Variants in FBXO16 observed in about 807,000 individuals in gnomAD.
FBXO16 encodes the protein F-box only protein 16.
In FBXO16, 31 loss-of-function variants were observed where a neutral mutation model predicts 41.0. The ratio of observed to expected loss-of-function variants is 0.76; its 90% confidence interval spans 0.57 to 1.02. The LOEUF (loss-of-function observed/expected upper bound fraction) is 1.02. FBXO16 is among the 50% of genes least tolerant of loss of function. FBXO16 has a pLI of 0.00. For synonymous variants in FBXO16, 133 were observed against 117.8 expected (o/e 1.13, Z -0.84); for missense variants, 361 against 346.2 (o/e 1.04, Z -0.34).
At chr8:28,478,688 T>C (rs1803460446) in intron 2 of FBXO16, among the ~76,000 whole-genome samples, 1 of 151,724 alleles carries the variant, frequency 6.6e-6, no homozygotes, top group African/African-American at 2.4e-5. Flanking sequence ...CCAGGTGTGG[T>C]GGTGGGTGCC....
intron 6 of FBXO16, among the ~76,000 whole-genome samples, chr8:28,451,908 C>T (rs538730111): frequency 4.0e-5 from 6 of 150,172 alleles, no homozygotes; most frequent in East Asian, 2.0e-4. Flanking sequence ...CGCTTGAACC[C>T]GGGAGGTGGA....
At chr8:28,462,123 A>G (rs1803143710) in intron 4 of FBXO16, among the ~76,000 whole-genome samples, 1 of 151,352 alleles carries the variant, frequency 6.6e-6, no homozygotes, top group South Asian at 2.1e-4. Flanking sequence ...AATGTTTTGT[A>G]AAGACGAGGT....
chr8:28,487,849 T>A (rs895961982), intron 1 of FBXO16, among the ~76,000 whole-genome samples: 24 of 151,558 alleles, frequency 1.6e-4, no homozygotes, highest in Admixed American at 3.3e-4. Flanking sequence ...TCATCTTTTT[T>A]TCTTTTTTTT....
At chr8:28,462,810 C>T (rs1446685992) in intron 4 of FBXO16, among the ~76,000 whole-genome samples, 1 of 152,180 alleles carries the variant, frequency 6.6e-6, no homozygotes, top group Non-Finnish European at 1.5e-5. Flanking sequence ...AGCACACCTG[C>T]CCACTTGGAT....
chr8:28,447,225 A>C lies in FBXO16; in HGVS notation c.789T>G (p.His263Gln), dbSNP rs745522032. ...TGTCCTGCAATTTATTTTTCTTATCATGTGACTGTCGGCTGAAGTCTGGGG... is the reference window on the plus strand; with the variant it reads ...TGTCCTGCAATTTATTTTTCTTATCCTGTGACTGTCGGCTGAAGTCTGGGG... The part of the protein sequence containing the change: ...QMTPDFSRQS[H>Q]DKKNKLQDRT... The change falls in exon 7 of 9, where the codon CAT becomes CAG. Residue 263 changes from histidine (H) to glutamine (Q), a missense_variant. Coordinates refer to ENST00000380254, the MANE Select transcript of FBXO16 (RefSeq NM_172366.4). 2 of 1,613,834 alleles carry C rather than the reference A, an allele frequency of 1.2e-6. No individual in the cohort carries two copies. Among genetic ancestry groups the C allele is most frequent in the Middle Eastern group, 1.6e-4 (1 of 6,062 alleles).
chr8:28,481,166 G>A (rs954593038), intron 2 of FBXO16, among the ~76,000 whole-genome samples: 1 of 152,216 alleles, frequency 6.6e-6, no homozygotes, highest in Non-Finnish European at 1.5e-5. Flanking sequence ...GCCTGGGGGT[G>A]TTGGAATTTA....
intron 2 of FBXO16, among the ~76,000 whole-genome samples, chr8:28,481,200 T>C (rs2130197858): frequency 6.6e-6 from 1 of 152,276 alleles, no homozygotes; most frequent in African/African-American, 2.4e-5. Context: ...AGTCTATTAT[T>C]GGTTTCACAT....
At chr8:28,452,122 T>C in intron 6 of FBXO16, 122 bp downstream of exon 6, 1 of 924,056 alleles carries the variant, frequency 1.1e-6, no homozygotes, top group South Asian at 1.8e-5. Flanking sequence ...TACTTTTTGC[T>C]TCTATGTACT....
chr8:28,456,296 A>G (rs1803037232), intron 5 of FBXO16, among the ~76,000 whole-genome samples: 1 of 152,240 alleles, frequency 6.6e-6, no homozygotes, highest in South Asian at 2.1e-4. Context: ...TAATATGCCC[A>G]TGAGGCCCTT....
chr8:28,462,251 C>T (rs1803146296), intron 4 of FBXO16, among the ~76,000 whole-genome samples: 1 of 150,422 alleles, frequency 6.6e-6, no homozygotes, highest in Non-Finnish European at 1.5e-5. Context: ...CATCTTTTCT[C>T]CTGCATTCAT....
chr8:28,476,912 T>C (rs1803432199), intron 2 of FBXO16, among the ~76,000 whole-genome samples: 1 of 152,232 alleles, frequency 6.6e-6, no homozygotes, highest in African/African-American at 2.4e-5. Context: ...TACACATACA[T>C]AATGAAATGT....
At chr8:28,447,436 A>C in intron 6 of FBXO16, 163 bp from the exon 7 acceptor site, 2 of 591,722 alleles carry the variant, frequency 3.4e-6, no homozygotes, top group East Asian at 6.0e-5. Context: ...AACTGGTTGC[A>C]TCAACTCCTG....
chr8:28,476,746 T>C (rs1461680478), intron 2 of FBXO16, among the ~76,000 whole-genome samples: 2 of 152,176 alleles, frequency 1.3e-5, no homozygotes, highest in East Asian at 3.8e-4. Flanking sequence ...CCCTAAATAA[T>C]GATTGATTGA....
intron 1 of FBXO16, among the ~76,000 whole-genome samples, chr8:28,485,570 C>T (rs560822523): frequency 7.2e-5 from 11 of 152,236 alleles, no homozygotes; most frequent in Non-Finnish European, 1.6e-4. Flanking sequence ...ATGTAATATT[C>T]TCTCTCAGGA....
At chr8:28,452,177 G>A (rs1408563111) in intron 6 of FBXO16, 67 bp downstream of exon 6, 18 of 1,430,514 alleles carry the variant, frequency 1.3e-5, no homozygotes, top group African/African-American at 4.3e-5. Flanking sequence ...CCATCTCTTC[G>A]TATACTGAAA....
At position 28,428,485 on chromosome 8, in the gene FBXO16, T is replaced by G. The variant is rs1802559569; in HGVS notation, c.*242A>C. 3 of 1,393,380 alleles carry G rather than the reference T, an allele frequency of 2.2e-6. No homozygotes were observed. The South Asian group carries it at 4.2e-5, about 20-fold the overall frequency. The allele number at this position is 1,393,380 out of a possible 1,614,324, so 86.3% of individuals were successfully genotyped here. A position where few individuals can be genotyped will look rare whatever the true frequency, so the allele number is the denominator to read the frequency against. On this transcript the variant is annotated 3_prime_UTR_variant, in exon 9 of 9. Transcript: ENST00000380254. ...TAAGTACTTAAGCTGAAAGAGTTTC[T>G]AATGGGAGCCAAGTAAATTCAGCTC... is the stretch of plus-strand genomic sequence containing the variant.
chr8:28,463,140 G>A (rs759754996), intron 4 of FBXO16, among the ~76,000 whole-genome samples: 6 of 150,714 alleles, frequency 4.0e-5, no homozygotes, highest in Non-Finnish European at 7.4e-5. Flanking sequence ...AGTTTTGTGT[G>A]TGTGTGTATG....
At chr8:28,475,676 T>C (rs922075747) in intron 2 of FBXO16, among the ~76,000 whole-genome samples, 3 of 152,200 alleles carry the variant, frequency 2.0e-5, no homozygotes, top group African/African-American at 7.2e-5. Context: ...CAGTGTTTGT[T>C]TTGCTCTCTA....
At chr8:28,449,831 G>C (rs1325580488) in intron 6 of FBXO16, among the ~76,000 whole-genome samples, 1 of 151,872 alleles carries the variant, frequency 6.6e-6, no homozygotes, top group Admixed American at 6.6e-5. Context: ...AATTAGCTGG[G>C]CGTGGTGGTG....
Sources: allele counts gnomAD v4.1 joint callset (sites outside exome capture counted in the v4.1 genomes callset), GRCh38; gene constraint gnomAD v4.1.1; transcripts MANE v1.5; gene names NCBI Gene and HGNC (gene_info 2026-07-23, HGNC 2026-07-21).